ZDHHC20: variants seen among roughly 807,000 people sequenced by gnomAD.
ZDHHC20 encodes the protein zDHHC palmitoyltransferase 20.
ZDHHC20 carries 43 observed loss-of-function variants against 57.8 expected under a neutral mutation model. The ratio of observed to expected loss-of-function variants is 0.74; its 90% CI spans 0.58 to 0.96. The LOEUF (loss-of-function observed/expected upper bound fraction) is 0.96, where lower values mean the gene tolerates loss of function less well. ZDHHC20 is among the 40% of genes least tolerant of loss of function. The pLI is 0.00. For synonymous variants in ZDHHC20, 157 were observed against 153.0 expected (o/e 1.03, Z -0.19); for missense variants, 391 against 441.1 (o/e 0.89, Z 1.02).
intron 1 of ZDHHC20, among the ~76,000 whole-genome samples, chr13:21,454,344 A>AAAAC (rs1236999132): frequency 6.6e-6 from 1 of 152,124 alleles, no homozygotes; most frequent in Non-Finnish European, 1.5e-5. Context: ...AACAAAAACA[A>AAAAC]AAACAAACAA....
chr13:21,414,284 T>A (rs1879632550), intron 3 of ZDHHC20, among the ~76,000 whole-genome samples: 1 of 151,562 alleles, frequency 6.6e-6, no homozygotes, highest in Non-Finnish European at 1.5e-5. Context: ...CAATAGGACT[T>A]AGTTTCACCA....
At chr13:21,417,583 G>A (rs758103686) in intron 3 of ZDHHC20, among the ~76,000 whole-genome samples, 35 of 152,084 alleles carry the variant, frequency 2.3e-4, no homozygotes, top group Non-Finnish European at 1.3e-4. Flanking sequence ...GGGATTACAG[G>A]AGCATGCCAC....
At chr13:21,389,181 G>A (rs1265745825) in intron 8 of ZDHHC20, among the ~76,000 whole-genome samples, 1 of 152,152 alleles carries the variant, frequency 6.6e-6, no homozygotes, top group Non-Finnish European at 1.5e-5. Context: ...CGATCTCAAG[G>A]TGGGTAGGTG....
chr13:21,455,070 G>A (rs1236326253), intron 1 of ZDHHC20, among the ~76,000 whole-genome samples: 2 of 152,056 alleles, frequency 1.3e-5, no homozygotes, highest in Non-Finnish European at 2.9e-5. Context: ...ACAGGCACCC[G>A]CCACCACACT....
chr13:21,417,137 A>T (rs1049699555), intron 3 of ZDHHC20, among the ~76,000 whole-genome samples: 2 of 152,192 alleles, frequency 1.3e-5, no homozygotes, highest in Non-Finnish European at 2.9e-5. Context: ...AGATACTTAT[A>T]AAGGTCTCAG....
At chr13:21,439,700 T>G (rs560634467) in intron 1 of ZDHHC20, among the ~76,000 whole-genome samples, 2 of 147,792 alleles carry the variant, frequency 1.4e-5, no homozygotes, top group Admixed American at 6.9e-5. Context: ...GAAGTCTGAA[T>G]AGGCCTACAG....
At chr13:21,414,245 T>TA (rs1879623930) in intron 3 of ZDHHC20, among the ~76,000 whole-genome samples, 1 of 145,688 alleles carries the variant, frequency 6.9e-6, no homozygotes, top group Admixed American at 6.8e-5. Context: ...TTTTTTTTTT[T>TA]AACCATTTTT....
At chr13:21,380,344 G>C (rs1393312639) in intron 11 of ZDHHC20, among the ~76,000 whole-genome samples, 2 of 151,334 alleles carry the variant, frequency 1.3e-5, no homozygotes, top group African/African-American at 4.9e-5. Context: ...TCTAACACTT[G>C]ACCTTGTGAT....
At chr13:21,406,806 C>A (rs1027500542) in intron 4 of ZDHHC20, among the ~76,000 whole-genome samples, 3 of 152,262 alleles carry the variant, frequency 2.0e-5, no homozygotes, top group African/African-American at 7.2e-5. Flanking sequence ...TGGGTTGGTT[C>A]CAAGTCTTCG....
intron 4 of ZDHHC20, chr13:21,404,355 T>C: frequency 4.1e-6 from 2 of 490,444 alleles, no homozygotes; most frequent in Non-Finnish European, 8.2e-6. Context: ...AGTTCATAAA[T>C]CATTAATGAA....
At chr13:21,426,806 C>T (rs1881314109) in intron 1 of ZDHHC20, among the ~76,000 whole-genome samples, 1 of 152,054 alleles carries the variant, frequency 6.6e-6, no homozygotes, top group African/African-American at 2.4e-5. Context: ...GGGTTTTCAC[C>T]ATGTTGGCCA....
chr13:21,436,864 C>G (rs1282490312), intron 1 of ZDHHC20, among the ~76,000 whole-genome samples: 3 of 152,122 alleles, frequency 2.0e-5, no homozygotes, highest in African/African-American at 7.2e-5. Context: ...CAAAGTTAGC[C>G]AAGTTGTGAA....
chr13:21,380,083 G>A (rs184045629), intron 11 of ZDHHC20, among the ~76,000 whole-genome samples: 40 of 151,526 alleles, frequency 2.6e-4, no homozygotes, highest in Admixed American at 1.1e-3. Flanking sequence ...CCAAAGTGCT[G>A]GGATTACAGG....
chr13:21,390,309 T>G (rs1875440621), intron 8 of ZDHHC20: 1 of 152,236 alleles, frequency 6.6e-6, no homozygotes. Flanking sequence ...AATATTTCAA[T>G]GATAACATAG....
At chr13:21,424,248 T>C (rs376516830) in intron 2 of ZDHHC20, among the ~76,000 whole-genome samples, 1 of 152,164 alleles carries the variant, frequency 6.6e-6, no homozygotes. Flanking sequence ...TATTAAACCA[T>C]TGGTTACAAG....
chr13:21,449,267 T>C (rs1385780779), intron 1 of ZDHHC20, among the ~76,000 whole-genome samples: 2 of 152,198 alleles, frequency 1.3e-5, no homozygotes, highest in East Asian at 3.9e-4. Context: ...CCACTGTTCA[T>C]TATTTCCTGC....
chr13:21,401,532 T>G, intron 6 of ZDHHC20, 121 bp downstream of exon 6: 1 of 813,662 alleles, frequency 1.2e-6, no homozygotes, highest in Non-Finnish European at 1.9e-6. Flanking sequence ...TATGCATATA[T>G]GTAAAGAGAT....
Position 21,422,665 on chromosome 13 carries a change from T to C in ZDHHC20, c.146-1501A>G, listed in dbSNP as rs185383213. ...GTTATTTTTCAATAATTTCAATAAT[T>C]ATCATTATTTTCACTGCCAGTGCAT... On this transcript the variant is annotated intron_variant, in intron 2 of 12. Coordinates refer to ENST00000400590, the MANE Select transcript of ZDHHC20 (RefSeq NM_001330059.2). Among the ~76,000 whole-genome samples the C allele has an allele frequency of 5.3e-5, 8 of 152,322 alleles. 1 individual carries two copies. Among genetic ancestry groups the C allele is most frequent in the Admixed American group, 5.2e-4 (8 of 15,302 alleles).
At chr13:21,401,624 T>C in intron 6 of ZDHHC20, 29 bp downstream of exon 6, 2 of 1,529,340 alleles carry the variant, frequency 1.3e-6, no homozygotes, top group Non-Finnish European at 1.8e-6. Flanking sequence ...TCACCACCAA[T>C]GCAATTTCTT....
Sources: gnomAD v4.1 joint callset for allele counts (sites outside exome capture counted in the v4.1 genomes callset) on GRCh38, gnomAD v4.1.1 for gene constraint, MANE v1.5 for transcripts, NCBI Gene and HGNC (gene_info 2026-07-23, HGNC 2026-07-21) for gene names.